Variants in SETD9 observed in about 807,000 individuals in gnomAD.
SETD9 encodes SET domain containing 9, also known as SET domain-containing protein 9.
SETD9 carries 37 observed loss-of-function variants against 36.4 expected under a neutral mutation model. The ratio of observed to expected loss-of-function variants is 1.02; its 90% CI spans 0.78 to 1.34. The LOEUF is 1.34. SETD9 is among the 40% of genes most tolerant of loss of function. SETD9 has a pLI of 0.00. For missense variants in SETD9, 323 were observed against 353.2 expected (o/e 0.91, Z 0.69); for synonymous variants, 128 against 132.9 (o/e 0.96, Z 0.26).
Position 56,909,767 on chromosome 5 carries a change from G to C in SETD9, c.98+24G>C, listed in dbSNP as rs777666202. Reference sequence around the variant, plus strand: ...AGGTGAGAGGGCGGGACGGCAGAACGAGGGGCACCTGCCTTCGGTTCCCAG... The same window carrying C: ...AGGTGAGAGGGCGGGACGGCAGAACCAGGGGCACCTGCCTTCGGTTCCCAG... On this transcript the variant is annotated intron_variant, in intron 1 of 5. Transcript: ENST00000285947. 1.1e-5 allele frequency: 18 copies of C among 1,596,194 alleles called. No homozygotes were observed. The East Asian group carries it at 3.4e-4, about 30-fold the overall frequency.
At chr5:56,918,208 C>A (rs1464572137), downstream of SETD9, among the ~76,000 whole-genome samples, 4 of 152,158 alleles carry the variant, frequency 2.6e-5, no homozygotes, top group African/African-American at 9.7e-5. Flanking sequence ...TCCATCCCAA[C>A]CCACACCTGC....
At chr5:56,927,296 C>T (rs13175470), downstream of SETD9, among the ~76,000 whole-genome samples, 4,261 of 151,926 alleles carry the variant, frequency 0.028, 93 homozygotes, top group Non-Finnish European at 0.039. Context: ...AACAAATGTA[C>T]CACACTATTA....
At chr5:56,919,574 TTGGC>T (rs1749566882), downstream of SETD9, 1 of 152,554 alleles carries the variant, frequency 6.6e-6, no homozygotes, top group Admixed American at 6.5e-5. Context: ...ATCTGTATTT[TTGGC>T]AAATATTCAC....
intron 4 of SETD9, 92 bp downstream of exon 4, chr5:56,914,081 A>G (rs1224584950): frequency 1.3e-6 from 1 of 798,358 alleles, no homozygotes; most frequent in African/African-American, 1.7e-5. Context: ...GCAGTTGAGT[A>G]TAACATATAA....
intron 2 of SETD9, chr5:56,912,329 A>G: frequency 4.1e-6 from 3 of 729,054 alleles, no homozygotes; most frequent in Non-Finnish European, 5.0e-6. Flanking sequence ...TTAAACTAAC[A>G]TTATATTATT....
Position 56,914,962 on chromosome 5 carries a change from C to T in SETD9, c.808C>T (p.Gln270Ter). The change falls in exon 5 of 6, where the codon CAA becomes TAA. Residue 270 changes from glutamine to a stop codon, truncating the protein, a stop_gained. Coordinates refer to ENST00000285947, the MANE Select transcript of SETD9 (RefSeq NM_153706.4). LOFTEE classifies it high-confidence loss of function. ...AAACATTGCCTACAGCTATGACAAA[C>T]AAAGGTTCGTTTGCTAAAAGAGCAT... ...LPNIAYSYDK[Q>*]SPLRCVVLVA... 6.3e-7 allele frequency: 1 copy of T among 1,581,588 alleles called. No individual in the cohort carries two copies. Among genetic ancestry groups the T allele is most frequent in the South Asian group, 1.2e-5 (1 of 86,336 alleles).
At chr5:56,910,874 A>G (rs6450410) in intron 1 of SETD9, 18,145 of 201,076 alleles carry the variant, frequency 0.09, 875 homozygotes, top group East Asian at 0.14. Context: ...GGGACCTTGA[A>G]CAAGTTCCCT....
chr5:56,927,147 CTGTA>C (rs1356414221), downstream of SETD9, among the ~76,000 whole-genome samples: 3 of 152,018 alleles, frequency 2.0e-5, no homozygotes, highest in Non-Finnish European at 4.4e-5. Context: ...TGAAGCTACT[CTGTA>C]TGATACTGTA....
At position 56,913,903 on chromosome 5, in the gene SETD9, C is replaced by T. The variant is rs1749288820; in HGVS notation, c.620C>T (p.Pro207Leu). The T allele has an allele frequency of 2.5e-6, 4 of 1,613,438 alleles. No homozygotes were observed. In the African/African-American group the frequency reaches 4.0e-5, roughly 16 times the overall value. Residue 207 changes from proline to leucine, a missense_variant, in exon 4 of 6, where the codon CCT becomes CTT. Physicochemically the swap from Pro to Leu is moderately conservative, Grantham distance 98. Coordinates refer to ENST00000285947, the MANE Select transcript of SETD9 (RefSeq NM_153706.4). ...RSCNGRDRLGPLKMSDSTWLT... is the reference protein window; with the variant it reads ...RSCNGRDRLGLLKMSDSTWLT... ...TGCAATGGGAGGGATCGACTCGGCC[C>T]TTTAAAAATGAGTGATAGTACATGG...
intron 1 of SETD9, chr5:56,910,175 C>A: frequency 8.1e-7 from 1 of 1,235,630 alleles, no homozygotes; most frequent in Non-Finnish European, 1.0e-6. Flanking sequence ...ACTGCCCTTA[C>A]CGCGTGAGAG....
chr5:56,923,360 T>G (rs544180927), intron 5 of SETD9: 2 of 1,614,202 alleles, frequency 1.2e-6, no homozygotes, highest in South Asian at 2.2e-5. Context: ...TCTCTCTGAC[T>G]CTTCACTGCA....
At chr5:56,928,559 T>G (rs190279558), downstream of SETD9, 90 of 382,190 alleles carry the variant, frequency 2.4e-4, no homozygotes, top group African/African-American at 1.5e-3. Flanking sequence ...GTCAACTGTT[T>G]ATGTGAAAAG....
At chr5:56,910,253 TTTA>T in intron 1 of SETD9, 1 of 1,301,256 alleles carries the variant, frequency 7.7e-7, no homozygotes, top group South Asian at 1.2e-5. Context: ...CAAGCCAGGG[TTTA>T]TTTTCATAGT....
At chr5:56,923,728 T>G (rs780499414) in intron 5 of SETD9, 23 of 1,614,244 alleles carry the variant, frequency 1.4e-5, no homozygotes, top group African/African-American at 2.7e-5. Flanking sequence ...TGAGAATGTT[T>G]AGCTGTTGAT....
downstream of SETD9, chr5:56,928,573 T>C (rs1750116003): frequency 2.4e-6 from 1 of 423,680 alleles, no homozygotes; most frequent in Non-Finnish European, 4.2e-6. Flanking sequence ...TGAAAAGATA[T>C]GTGAATATAC....
intron 5 of SETD9, among the ~76,000 whole-genome samples, chr5:56,916,396 AAAAC>A (rs1170982748): frequency 6.6e-6 from 1 of 152,242 alleles, no homozygotes; most frequent in Non-Finnish European, 1.5e-5. Context: ...CATCTCAAAA[AAAAC>A]AAACAATATT....
At position 56,911,476 on chromosome 5, in the gene SETD9, A is replaced by G. The variant is rs1216068257; in HGVS notation, c.406A>G (p.Lys136Glu). ...QATSSLISAGKGVFVTKGLVP... is the reference protein window; with the variant it reads ...QATSSLISAGEGVFVTKGLVP... ...AACTAGCTCATTGATTTCTGCTGGAAAAGGTGTCTTCGTTACTAAAGGATT... is the reference window on the plus strand; with the variant it reads ...AACTAGCTCATTGATTTCTGCTGGAGAAGGTGTCTTCGTTACTAAAGGATT... Residue 136 changes from lysine (K) to glutamate (E), a missense_variant, in exon 2 of 6, where the codon AAA becomes GAA. Coordinates refer to ENST00000285947, the MANE Select transcript of SETD9 (RefSeq NM_153706.4). The G allele has an allele frequency of 6.2e-7, 1 of 1,606,730 alleles. No individual in the cohort carries two copies. Among genetic ancestry groups the G allele is most frequent in the Admixed American group, 1.7e-5 (1 of 58,314 alleles).
At chr5:56,911,026 T>C in intron 1 of SETD9, 143 bp from the exon 2 acceptor site, 4 of 936,104 alleles carry the variant, frequency 4.3e-6, no homozygotes, top group Non-Finnish European at 6.1e-6. Flanking sequence ...CTCAAACAAT[T>C]CTTTTCTGAA....
chr5:56,923,663 A>C lies in SETD9; in HGVS notation c.813-1670A>C, dbSNP rs199807525. The C allele has an allele frequency of 3.7e-6, 6 of 1,614,132 alleles. No homozygotes were observed. In the East Asian group the frequency reaches 1.3e-4, roughly 36 times the overall value. ...AGGACACAATTTTGCAACAAACTGT[A>C]CTAAATGCAGAAAGGTCTTCATTTT... On this transcript the variant is annotated intron_variant, in intron 5 of 5. Transcript: ENST00000628593.
Sources: gnomAD v4.1 joint callset for allele counts (sites outside exome capture counted in the v4.1 genomes callset) on GRCh38, gnomAD v4.1.1 for gene constraint, MANE v1.5 for transcripts, NCBI Gene and HGNC (gene_info 2026-07-23, HGNC 2026-07-21) for gene names.